The following ANKIB1 variants were observed in gnomAD, a reference collection of about 807,000 sequenced individuals.
The protein encoded by ANKIB1 is ankyrin repeat and IBR domain containing 1, also known as ankyrin repeat and IBR domain-containing protein 1.
ANKIB1 carries 43 observed loss-of-function variants against 122.1 expected under a neutral mutation model. The observed-to-expected ratio is 0.35, with a 90% CI of 0.28 to 0.45. ANKIB1 has a LOEUF of 0.45. Among genes scored for constraint, ANKIB1 ranks in the 20% least tolerant of loss-of-function variants. ANKIB1 has a pLI of 1.00. For missense variants in ANKIB1, 992 were observed against 1,329.5 expected, an observed-to-expected ratio of 0.75 and a Z score of 3.95; for synonymous variants, 390 against 442.0, an observed-to-expected ratio of 0.88 and a Z score of 1.48.
intron 1 of ANKIB1, among the ~76,000 whole-genome samples, chr7:92,267,422 C>G (rs1226183171): frequency 1.3e-5 from 2 of 152,126 alleles, no homozygotes; most frequent in African/African-American, 4.8e-5. Context: ...ATTATCATGA[C>G]TTCAGCAACA....
At chr7:92,267,897 A>G (rs1183242679) in intron 1 of ANKIB1, among the ~76,000 whole-genome samples, 5 of 152,326 alleles carry the variant, frequency 3.3e-5, no homozygotes, top group Non-Finnish European at 5.9e-5. Context: ...ATGAGATAAC[A>G]TAATTTTTGG....
chr7:92,320,277 T>TC, intron 4 of ANKIB1, among the ~76,000 whole-genome samples: 1 of 152,298 alleles, frequency 6.6e-6, no homozygotes, highest in South Asian at 2.1e-4. Flanking sequence ...TTCCTCACTT[T>TC]CCATTCACTC....
intron 1 of ANKIB1, among the ~76,000 whole-genome samples, chr7:92,253,151 T>C (rs1801365970): frequency 6.6e-6 from 1 of 152,230 alleles, no homozygotes; most frequent in Non-Finnish European, 1.5e-5. Flanking sequence ...GTTCCAATTC[T>C]AGTCCAGCAC....
At chr7:92,280,298 C>T (rs967530610) in intron 1 of ANKIB1, among the ~76,000 whole-genome samples, 6 of 152,140 alleles carry the variant, frequency 3.9e-5, no homozygotes, top group African/African-American at 7.2e-5. Flanking sequence ...ATAATAATTA[C>T]ATGTTTATTT....
At chr7:92,332,698 C>G (rs1585111842) in intron 5 of ANKIB1, among the ~76,000 whole-genome samples, 2 of 152,282 alleles carry the variant, frequency 1.3e-5, no homozygotes, top group East Asian at 3.9e-4. Context: ...GGTTCATCAT[C>G]TTCCAAGCAA....
At chr7:92,287,004 C>T (rs1355240306) in intron 1 of ANKIB1, among the ~76,000 whole-genome samples, 1 of 152,198 alleles carries the variant, frequency 6.6e-6, no homozygotes, top group Non-Finnish European at 1.5e-5. Flanking sequence ...TGTTTCTATT[C>T]ATGCCTTCCT....
intron 9 of ANKIB1, among the ~76,000 whole-genome samples, chr7:92,361,668 GA>G (rs141396916): frequency 0.076 from 11,533 of 151,884 alleles, 777 homozygotes; most frequent in East Asian, 0.23. Context: ...TGAATGTACT[GA>G]TTTTTTTTTT....
At chr7:92,352,360 T>C in intron 8 of ANKIB1, 116 bp from the exon 9 acceptor site, 1 of 1,121,542 alleles carries the variant, frequency 8.9e-7, no homozygotes, top group Non-Finnish European at 1.2e-6. Flanking sequence ...TCCATGCATT[T>C]TATTTCACTC....
rs748437533 is a variant in ANKIB1, at chr7:92,390,087, A to C, written c.2023A>C (p.Thr675Pro). ...PYGFFLEPKS[T>P]KKEIFELMQT... is the part of the protein sequence containing the mutation. The stretch of plus-strand genomic sequence containing the variant: ...TGGATTTTTCTTGGAACCTAAAAGC[A>C]CAAAGAAAGAAATTTTTGAACTAAT... Residue 675 changes from threonine to proline, a missense_variant, in exon 15 of 20, where the codon ACA (threonine) becomes CCA (proline). Coordinates refer to ENST00000265742, the MANE Select transcript of ANKIB1 (RefSeq NM_019004.2). 1 of 1,586,440 alleles carries C rather than the reference A, an allele frequency of 6.3e-7. No homozygotes were observed. The highest frequency in any genetic ancestry group is 8.5e-7 in the Non-Finnish European group (1 of 1,171,232).
intron 9 of ANKIB1, among the ~76,000 whole-genome samples, chr7:92,354,762 A>G (rs1286624079): frequency 2.6e-5 from 4 of 152,158 alleles, no homozygotes; most frequent in Non-Finnish European, 2.9e-5. Flanking sequence ...TCTAAGTGGA[A>G]ATTGTCATAT....
At chr7:92,266,294 A>G (rs1209376866) in intron 1 of ANKIB1, among the ~76,000 whole-genome samples, 1 of 152,210 alleles carries the variant, frequency 6.6e-6, no homozygotes, top group Non-Finnish European at 1.5e-5. Context: ...GAAACCACAA[A>G]GTAATTGAAA....
intron 1 of ANKIB1, among the ~76,000 whole-genome samples, chr7:92,277,945 G>A (rs529057121): frequency 4.6e-5 from 7 of 152,234 alleles, no homozygotes; most frequent in African/African-American, 1.2e-4. Context: ...TTAGCCCAGC[G>A]TGGTGGCAGG....
Position 92,319,388 on chromosome 7 carries a change from G to A in ANKIB1, c.545G>A (p.Cys182Tyr). ...GAGAATGAAAATAAAGATACTCCTT[G>A]TGATTGTGCTGAAAAGCAACACCAC... ...FAENENKDTPCDCAEKQHHKD... is the reference protein window; with the variant it reads ...FAENENKDTPYDCAEKQHHKD... The change falls in exon 4 of 20, where the codon TGT (cysteine) becomes TAT (tyrosine). Residue 182 changes from cysteine (C) to tyrosine (Y), a missense_variant. Cys to Tyr is a radical substitution (Grantham distance 194, BLOSUM62 -2). Around this residue, in one of 4 missense-constraint regions of ANKIB1, gnomAD observed 521 missense variants for 777.7 expected, o/e 0.67. Coordinates refer to ENST00000265742, the MANE Select transcript of ANKIB1 (RefSeq NM_019004.2). The A allele has an allele frequency of 6.2e-7, 1 of 1,613,054 alleles. No homozygotes were observed. The highest frequency in any genetic ancestry group is 1.1e-5 in the South Asian group (1 of 90,904).
chr7:92,343,216 A>T lies in ANKIB1; in HGVS notation c.980A>T (p.Asp327Val). 6.2e-7 allele frequency: 1 copy of T among 1,613,734 alleles called. No homozygotes were observed. The highest frequency in any genetic ancestry group is 8.5e-7 in the Non-Finnish European group (1 of 1,179,774). Residue 327 changes from aspartate to valine, a missense_variant, in exon 6 of 20, where the codon GAT becomes GTT. Asp to Val is a radical substitution (Grantham distance 152). Coordinates refer to ENST00000265742, the MANE Select transcript of ANKIB1 (RefSeq NM_019004.2). ...GATGAAATCAGCTTATCTCCTGGGG[A>T]TTTAGACACCAGTTTGGTATGGTTT... is the stretch of plus-strand genomic sequence containing the variant. ...SPDEISLSPG[D>V]LDTSLCDICM...
intron 17 of ANKIB1, 110 bp from the exon 18 acceptor site, chr7:92,396,253 GAT>G: frequency 1.5e-6 from 1 of 671,618 alleles, no homozygotes; most frequent in Non-Finnish European, 2.7e-6. Context: ...GATTTTATAA[GAT>G]GTGTATAAAA....
chr7:92,387,836 A>G lies in ANKIB1; in HGVS notation c.1791A>G (p.Arg597=). The change falls in exon 13 of 20, where the codon AGA becomes AGG. Residue 597 remains arginine (R), a synonymous_variant. Coordinates refer to ENST00000265742, the MANE Select transcript of ANKIB1 (RefSeq NM_019004.2). ...ACAAACGATTTCAGGAACTTGACAG[A>G]TTTATGCACTATTATACAAGATTTA... The part of the protein sequence containing the change: ...KKHKRFQELD[R]FMHYYTRFKN... 1 of 1,612,092 alleles carries G rather than the reference A, an allele frequency of 6.2e-7. No individual in the cohort carries two copies. The highest frequency in any genetic ancestry group is 8.5e-7 in the Non-Finnish European group (1 of 1,179,370).
rs1198245230 is a variant in ANKIB1, at chr7:92,319,146, TA to T, written c.487-182del. 1.1e-4 allele frequency among the ~76,000 whole-genome samples: 17 copies of T among 152,196 alleles called. 1 individual carries two copies. Among genetic ancestry groups the T allele is most frequent in the African/African-American group, 3.6e-4 (15 of 41,562 alleles). On this transcript the variant is annotated intron_variant, in intron 3 of 19. Coordinates refer to ENST00000265742, the MANE Select transcript of ANKIB1 (RefSeq NM_019004.2). The stretch of plus-strand genomic sequence containing the variant: ...TTCATTACTGAAAAACAAGAATTAC[TA>T]ATCTTAAAATCAGAAGCCACTGGTA...
chr7:92,354,497 T>G (rs1486914305), intron 9 of ANKIB1, among the ~76,000 whole-genome samples: 1 of 152,138 alleles, frequency 6.6e-6, no homozygotes, highest in Non-Finnish European at 1.5e-5. Context: ...AATCATCATT[T>G]TTTGGACATA....
chr7:92,267,661 A>G (rs369034004), intron 1 of ANKIB1, among the ~76,000 whole-genome samples: 1 of 152,220 alleles, frequency 6.6e-6, no homozygotes, highest in East Asian at 1.9e-4. Flanking sequence ...TCTGCAGTTC[A>G]TCGGGAATTT....
Sources: allele counts gnomAD v4.1 joint callset (sites outside exome capture counted in the v4.1 genomes callset), GRCh38; gene constraint gnomAD v4.1.1; regional missense constraint gnomAD v4.1.1; transcripts MANE v1.5; gene names NCBI Gene and HGNC (gene_info 2026-07-23, HGNC 2026-07-21).